Variants in PPARGC1A observed in about 807,000 individuals in gnomAD.
PPARGC1A encodes the protein peroxisome proliferator-activated receptor gamma coactivator 1-alpha.
A neutral mutation model predicts 88.7 loss-of-function variants in PPARGC1A; 25 were observed. The observed-to-expected ratio is 0.28, with a 90% CI of 0.21 to 0.39. PPARGC1A has a LOEUF of 0.39. PPARGC1A is among the 10% of genes least tolerant of loss of function. The pLI, the probability that PPARGC1A is intolerant of heterozygous loss-of-function variation, is 1.00. For missense variants in PPARGC1A, 880 were observed against 968.7 expected (o/e 0.91, Z 1.22); for synonymous variants, 363 against 355.6 (o/e 1.02, Z -0.24).
the PPARGC1A span, among the ~76,000 whole-genome samples, chr4:24,147,235 G>A: frequency 6.6e-6 from 1 of 152,192 alleles, no homozygotes; most frequent in Middle Eastern, 3.2e-3. Flanking sequence ...CTGGTGCAGA[G>A]GCAAATTGTC....
At chr4:23,930,051 C>A in the PPARGC1A span, among the ~76,000 whole-genome samples, 7 of 152,118 alleles carry the variant, frequency 4.6e-5, no homozygotes, top group Non-Finnish European at 1.0e-4. Flanking sequence ...CAGGGTGCCA[C>A]GTTAAATATA....
At chr4:23,824,232 CAT>C (rs771388782) in intron 7 of PPARGC1A, 46 bp downstream of exon 7, 10 of 1,452,804 alleles carry the variant, frequency 6.9e-6, no homozygotes, top group Admixed American at 5.0e-5. Flanking sequence ...CACACACACA[CAT>C]ATACAGACAG....
intron 2 of PPARGC1A, among the ~76,000 whole-genome samples, chr4:23,882,389 A>C (rs1367817070): frequency 1.3e-5 from 2 of 152,174 alleles, no homozygotes; most frequent in African/African-American, 4.8e-5. Flanking sequence ...ACTTTATTTA[A>C]AAGCAGGGTT....
chr4:24,076,911 G>A, the PPARGC1A span, among the ~76,000 whole-genome samples: 10 of 151,814 alleles, frequency 6.6e-5, no homozygotes, highest in African/African-American at 1.7e-4. Flanking sequence ...TTTGTTCACC[G>A]CTGAACTATG....
the PPARGC1A span, among the ~76,000 whole-genome samples, chr4:23,922,738 C>T: frequency 2.6e-5 from 4 of 152,140 alleles, no homozygotes; most frequent in African/African-American, 4.8e-5. Context: ...GAAGGCATCC[C>T]GTGGCTAAGG....
At chr4:24,237,836 A>G in the PPARGC1A span, among the ~76,000 whole-genome samples, 1 of 152,206 alleles carries the variant, frequency 6.6e-6, no homozygotes, top group Non-Finnish European at 1.5e-5. Context: ...GAATGAAGAT[A>G]GGGTGACCCA....
chr4:24,214,270 T>C, the PPARGC1A span, among the ~76,000 whole-genome samples: 1 of 152,194 alleles, frequency 6.6e-6, no homozygotes, highest in African/African-American at 2.4e-5. Context: ...GGGAATATCA[T>C]TTGCAAATTA....
chr4:24,342,365 T>C, the PPARGC1A span, among the ~76,000 whole-genome samples: 1 of 152,100 alleles, frequency 6.6e-6, no homozygotes, highest in Non-Finnish European at 1.5e-5. Flanking sequence ...TTGTCTCCAA[T>C]TACAAATGAG....
chr4:23,869,392 A>G (rs997275274), intron 2 of PPARGC1A, among the ~76,000 whole-genome samples: 1 of 152,128 alleles, frequency 6.6e-6, no homozygotes, highest in African/African-American at 2.4e-5. Context: ...AATATTAATG[A>G]AGGGTTGTGG....
intron 7 of PPARGC1A, among the ~76,000 whole-genome samples, chr4:23,823,910 G>C (rs531642338): frequency 6.6e-6 from 1 of 152,206 alleles, no homozygotes; most frequent in Non-Finnish European, 1.5e-5. Flanking sequence ...TTAATGTACT[G>C]TTCCTTTAAC....
the PPARGC1A span, among the ~76,000 whole-genome samples, chr4:24,102,765 G>C: frequency 1.3e-5 from 2 of 152,088 alleles, no homozygotes; most frequent in Admixed American, 6.5e-5. Context: ...ATTTATAGAG[G>C]AACGGCAGGG....
At chr4:24,178,650 A>G in the PPARGC1A span, among the ~76,000 whole-genome samples, 1 of 152,232 alleles carries the variant, frequency 6.6e-6, no homozygotes, top group Non-Finnish European at 1.5e-5. Context: ...GACCATTTAT[A>G]TGCACAATCA....
intron 2 of PPARGC1A, among the ~76,000 whole-genome samples, chr4:23,835,466 T>TTGTGTGTGTGTGTGTG (rs145407468): frequency 3.0e-4 from 40 of 135,368 alleles, no homozygotes; most frequent in African/African-American, 4.9e-4. Context: ...GCATGGCGGC[T>TTGTGTGTGTGTGTGTG]TGTGTGTGTG....
the PPARGC1A span, among the ~76,000 whole-genome samples, chr4:24,162,368 A>AAAAAT: frequency 4.5e-4 from 68 of 152,272 alleles, no homozygotes; most frequent in East Asian, 7.9e-3. Context: ...CTATGGAAAT[A>AAAAAT]AAAATAAAAT....
chr4:24,280,594 C>G, the PPARGC1A span, among the ~76,000 whole-genome samples: 2 of 152,294 alleles, frequency 1.3e-5, no homozygotes, highest in Admixed American at 1.3e-4. Flanking sequence ...ATCTGTCTCC[C>G]TGCTAATGAG....
the PPARGC1A span, among the ~76,000 whole-genome samples, chr4:24,384,419 A>C: frequency 1.3e-5 from 2 of 152,146 alleles, no homozygotes; most frequent in African/African-American, 4.8e-5. Flanking sequence ...AAATGCCCCA[A>C]TTAAAAGACA....
chr4:23,888,761 C>T (rs1717324869), intron 1 of PPARGC1A, among the ~76,000 whole-genome samples: 2 of 152,322 alleles, frequency 1.3e-5, no homozygotes, highest in South Asian at 2.1e-4. Context: ...ATTATTTTCA[C>T]TTTAGATGTG....
chr4:24,348,297 T>C, the PPARGC1A span, among the ~76,000 whole-genome samples: 70 of 152,326 alleles, frequency 4.6e-4, 1 homozygote, highest in Middle Eastern at 0.014. Flanking sequence ...CAAAGATCTT[T>C]TTGCAATGAA....
the PPARGC1A span, among the ~76,000 whole-genome samples, chr4:24,308,170 T>C: frequency 6.6e-6 from 1 of 151,622 alleles, no homozygotes; most frequent in African/African-American, 2.4e-5. Flanking sequence ...CACATGCCTG[T>C]AATCTCAGCT....
Sources: gnomAD v4.1 joint callset for allele counts (sites outside exome capture counted in the v4.1 genomes callset) on GRCh38, gnomAD v4.1.1 for gene constraint, MANE v1.5 for transcripts, NCBI Gene and HGNC (gene_info 2026-07-23, HGNC 2026-07-21) for gene names.